The following IPO8 variants were observed in gnomAD, a reference collection of about 807,000 sequenced individuals.
IPO8 encodes importin 8.
Under a neutral mutation model 141.2 loss-of-function variants are expected in IPO8, and 65 were observed. The ratio of observed to expected loss-of-function variants is 0.46; its 90% CI spans 0.38 to 0.57. The LOEUF (loss-of-function observed/expected upper bound fraction) is 0.57, where lower values mean the gene tolerates loss of function less well. Among genes scored for constraint, IPO8 ranks in the 20% least tolerant of loss-of-function variants. The pLI is 0.00. For missense variants in IPO8, 980 were observed against 1,246.8 expected, an observed-to-expected ratio of 0.79 and a Z score of 3.22; for synonymous variants, 411 against 420.3, an observed-to-expected ratio of 0.98 and a Z score of 0.27.
At chr12:30,652,946 T>G (rs1178045791) in intron 18 of IPO8, 21 bp downstream of exon 18, 6 of 1,567,110 alleles carry the variant, frequency 3.8e-6, no homozygotes, top group Admixed American at 2.1e-5. Flanking sequence ...AAGCAAAAAT[T>G]TTATATGGTC....
intron 20 of IPO8, among the ~76,000 whole-genome samples, chr12:30,642,271 G>A (rs770732782): frequency 4.4e-4 from 67 of 152,108 alleles, no homozygotes; most frequent in Middle Eastern, 6.8e-3. Context: ...TAATAGGTAC[G>A]GGGACTCCAA....
chr12:30,640,132 A>G (rs1195700284), intron 20 of IPO8, among the ~76,000 whole-genome samples: 1 of 152,222 alleles, frequency 6.6e-6, no homozygotes, highest in Non-Finnish European at 1.5e-5. Flanking sequence ...GAAAATAATT[A>G]TGATGTAATC....
At chr12:30,687,981 T>A (rs2136175135) in intron 2 of IPO8, among the ~76,000 whole-genome samples, 1 of 152,256 alleles carries the variant, frequency 6.6e-6, no homozygotes, top group East Asian at 1.9e-4. Context: ...TCAGGTCTAA[T>A]ACCTCTCAAC....
intron 16 of IPO8, among the ~76,000 whole-genome samples, chr12:30,659,726 G>A (rs2052856750): frequency 6.6e-6 from 1 of 151,476 alleles, no homozygotes; most frequent in African/African-American, 2.4e-5. Flanking sequence ...ATGGTGGCGG[G>A]CACCTGTAGT....
intron 16 of IPO8, among the ~76,000 whole-genome samples, chr12:30,658,069 C>T (rs1227804683): frequency 1.3e-5 from 2 of 152,120 alleles, no homozygotes; most frequent in Admixed American, 6.5e-5. Context: ...TGACGGGTTA[C>T]ATTTTTCGTG....
At position 30,654,376 on chromosome 12, in the gene IPO8, T is replaced by C. The variant is rs192637209; in HGVS notation, c.1949-1284A>G. ...ACAACAAAAGCAAAAACAGACAAAA[T>C]AGGATTACATCAAACTAAAAGGCTT... On this transcript the variant is annotated intron_variant, in intron 17 of 24. Coordinates refer to ENST00000256079, the MANE Select transcript of IPO8 (RefSeq NM_006390.4). Among the ~76,000 whole-genome samples, 121 of 150,190 alleles carry C rather than the reference T, an allele frequency of 8.1e-4. No individual in the cohort carries two copies. The Middle Eastern group carries it at 0.01, about 13-fold the overall frequency.
chr12:30,680,540 G>A lies in IPO8; in HGVS notation c.581C>T (p.Ser194Phe), dbSNP rs746637703. The A allele has an allele frequency of 6.2e-7, 1 of 1,612,654 alleles. No homozygotes were observed. The highest frequency in any genetic ancestry group is 8.5e-7 in the Non-Finnish European group (1 of 1,179,092). Residue 194 changes from serine to phenylalanine, a missense_variant, in exon 5 of 25, where the codon TCC (serine) becomes TTC (phenylalanine). Transcript: ENST00000256079. ...TTTCTGCAGTAATACAGAATAATAG[G>A]AGGAATCAGGAAGGAGCTGAACAAT... ...QQIVQLLPDS[S>F]YYSVLLQKQI... is the part of the protein sequence containing the mutation.
chr12:30,660,939 A>T (rs2052876851), intron 16 of IPO8, among the ~76,000 whole-genome samples: 1 of 37,070 alleles, frequency 2.7e-5, no homozygotes, highest in Non-Finnish European at 5.8e-5. Context: ...TTACATTATA[A>T]TATTACAAAT....
chr12:30,675,143 C>T (rs773183694), intron 6 of IPO8, among the ~76,000 whole-genome samples: 12 of 152,112 alleles, frequency 7.9e-5, no homozygotes, highest in Non-Finnish European at 1.6e-4. Context: ...AGCTAAATGT[C>T]AAAATACTTT....
chr12:30,649,924 G>T (rs1032458181), intron 19 of IPO8, among the ~76,000 whole-genome samples: 1 of 151,766 alleles, frequency 6.6e-6, no homozygotes, highest in Non-Finnish European at 1.5e-5. Flanking sequence ...ATAAATTAAT[G>T]ATTCAAATAT....
At chr12:30,632,046 C>G (rs1268205140) in intron 23 of IPO8, 35 bp from the exon 24 acceptor site, 7 of 1,373,034 alleles carry the variant, frequency 5.1e-6, no homozygotes, top group African/African-American at 2.9e-5. Context: ...CAGGAGGGTA[C>G]AGCGACTATT....
At chr12:30,657,127 T>G (rs2052811055) in intron 16 of IPO8, among the ~76,000 whole-genome samples, 1 of 151,892 alleles carries the variant, frequency 6.6e-6, no homozygotes, top group Non-Finnish European at 1.5e-5. Flanking sequence ...AATGAAATCA[T>G]CTGACTAAAA....
chr12:30,659,895 C>A (rs1276390414), intron 16 of IPO8, among the ~76,000 whole-genome samples: 2 of 147,900 alleles, frequency 1.4e-5, no homozygotes, highest in Non-Finnish European at 3.0e-5. Flanking sequence ...AAAAAAAAAA[C>A]CCAACAGCTA....
chr12:30,689,680 C>T (rs1362945034), intron 2 of IPO8, among the ~76,000 whole-genome samples: 3 of 152,140 alleles, frequency 2.0e-5, no homozygotes, highest in Admixed American at 6.5e-5. Context: ...TATCCTTCTA[C>T]GTGAACACAT....
intron 10 of IPO8, among the ~76,000 whole-genome samples, chr12:30,668,823 A>T (rs1031455017): frequency 2.1e-4 from 32 of 152,320 alleles, no homozygotes; most frequent in African/African-American, 7.0e-4. Context: ...TACCCCTAAA[A>T]TATGCAGAAA....
chr12:30,691,268 A>C (rs956601160), intron 1 of IPO8, among the ~76,000 whole-genome samples: 2 of 152,216 alleles, frequency 1.3e-5, no homozygotes, highest in Non-Finnish European at 2.9e-5. Context: ...AATGGAGAGA[A>C]GCCAGTCCAG....
chr12:30,648,714 A>G (rs7305853), intron 20 of IPO8, among the ~76,000 whole-genome samples: 86,375 of 151,934 alleles, frequency 0.57, 25,671 homozygotes, highest in African/African-American at 0.74. Flanking sequence ...AAAATTTATA[A>G]CATGAAAAAT....
At chr12:30,673,253 C>T (rs535639007) in intron 8 of IPO8, among the ~76,000 whole-genome samples, 3 of 151,848 alleles carry the variant, frequency 2.0e-5, no homozygotes, top group Admixed American at 6.6e-5. Flanking sequence ...AGTGAGACTC[C>T]ATCTCAAAAA....
At chr12:30,655,130 C>A (rs1188166985) in intron 17 of IPO8, among the ~76,000 whole-genome samples, 1 of 152,006 alleles carries the variant, frequency 6.6e-6, no homozygotes, top group Admixed American at 6.5e-5. Flanking sequence ...TAATTAAAGG[C>A]CACAGTTTAC....
Sources: gnomAD v4.1 joint callset for allele counts (sites outside exome capture counted in the v4.1 genomes callset) on GRCh38, gnomAD v4.1.1 for gene constraint, MANE v1.5 for transcripts, NCBI Gene and HGNC (gene_info 2026-07-23, HGNC 2026-07-21) for gene names.